The following HDAC9 variants were observed in gnomAD, a reference collection of about 807,000 sequenced individuals.
The protein encoded by HDAC9 is histone deacetylase 9.
In HDAC9, 41 loss-of-function variants were observed where a neutral mutation model predicts 139.4. The observed-to-expected ratio is 0.29, with a 90% CI of 0.23 to 0.38. The LOEUF (loss-of-function observed/expected upper bound fraction) is 0.38. Among genes scored for constraint, HDAC9 ranks in the 10% least tolerant of loss-of-function variants. The pLI, the probability that HDAC9 is intolerant of heterozygous loss-of-function variation, is 1.00. For missense variants in HDAC9, 1,147 were observed against 1,297.0 expected, an observed-to-expected ratio of 0.88 and a Z score of 1.78; for synonymous variants, 517 against 476.2, an observed-to-expected ratio of 1.09 and a Z score of -1.12.
chr7:18,099,266 C>A (rs2128068639), intron 1 of HDAC9, among the ~76,000 whole-genome samples: 1 of 152,130 alleles, frequency 6.6e-6, no homozygotes, highest in East Asian at 1.9e-4. Context: ...TCGACACCAA[C>A]CTGGCCAACA....
chr7:18,582,483 T>G (rs1005673029), intron 2 of HDAC9, among the ~76,000 whole-genome samples: 29 of 152,132 alleles, frequency 1.9e-4, no homozygotes, highest in Admixed American at 1.4e-3. Flanking sequence ...AGAGGCTTGA[T>G]AAATCTATTT....
chr7:18,740,485 T>C (rs1787350319), intron 13 of HDAC9, among the ~76,000 whole-genome samples: 1 of 152,182 alleles, frequency 6.6e-6, no homozygotes, highest in African/African-American at 2.4e-5. Flanking sequence ...GACAGTGAAC[T>C]TGGTAGATAA....
chr7:18,549,328 C>T (rs984491122), intron 2 of HDAC9, among the ~76,000 whole-genome samples: 4 of 152,158 alleles, frequency 2.6e-5, no homozygotes, highest in South Asian at 2.1e-4. Flanking sequence ...AACTTATGTT[C>T]GCACAGAATA....
intron 17 of HDAC9, among the ~76,000 whole-genome samples, chr7:18,824,103 G>GAAGAAGAAGAAGA (rs1795232559): frequency 1.7e-5 from 1 of 59,680 alleles, no homozygotes; most frequent in African/African-American, 5.7e-5. Context: ...GAACAAGAAG[G>GAAGAAGAAGAAGA]AGAAGAAGAA....
intron 19 of HDAC9, among the ~76,000 whole-genome samples, chr7:18,832,734 T>TAC (rs1028982687): frequency 2.7e-5 from 4 of 150,928 alleles, no homozygotes; most frequent in Admixed American, 6.6e-5. Context: ...AAATGATATA[T>TAC]ATATATTTTT....
chr7:18,188,875 A>G (rs765271520), intron 2 of HDAC9, among the ~76,000 whole-genome samples: 13 of 152,172 alleles, frequency 8.5e-5, no homozygotes, highest in Non-Finnish European at 1.8e-4. Context: ...AGAAATAGGA[A>G]TGCTTTTACA....
intron 2 of HDAC9, among the ~76,000 whole-genome samples, chr7:18,179,149 A>G (rs1448594699): frequency 6.6e-6 from 1 of 152,248 alleles, no homozygotes; most frequent in African/African-American, 2.4e-5. Flanking sequence ...ACAAGCAAGC[A>G]CTGCATGTCT....
chr7:18,624,044 A>G (rs1201078979), intron 6 of HDAC9, among the ~76,000 whole-genome samples: 1 of 152,192 alleles, frequency 6.6e-6, no homozygotes, highest in African/African-American at 2.4e-5. Flanking sequence ...ATGCATGTGT[A>G]TACAAAAATC....
chr7:18,229,444 G>A (rs1014367166), intron 2 of HDAC9, among the ~76,000 whole-genome samples: 5 of 152,182 alleles, frequency 3.3e-5, no homozygotes, highest in African/African-American at 4.8e-5. Context: ...CAACACCTTC[G>A]AACGTATTCC....
chr7:18,106,666 C>A (rs895340269), intron 1 of HDAC9, among the ~76,000 whole-genome samples: 1 of 152,164 alleles, frequency 6.6e-6, no homozygotes, highest in Non-Finnish European at 1.5e-5. Flanking sequence ...GTTAGCCAGG[C>A]TGGTCTTGAA....
intron 1 of HDAC9, among the ~76,000 whole-genome samples, chr7:18,089,923 TTTTG>T (rs71553917): frequency 0.24 from 36,729 of 151,864 alleles, 4,969 homozygotes; most frequent in Admixed American, 0.3. Flanking sequence ...ATTGGTTTTT[TTTTG>T]TTTGTTTTAA....
Position 18,588,095 on chromosome 7 carries a change from C to G in HDAC9, c.265-2241C>G, listed in dbSNP as rs951584568. Among the ~76,000 whole-genome samples the G allele has an allele frequency of 3.3e-5, 5 of 152,094 alleles. No individual in the cohort carries two copies. In the South Asian group the frequency reaches 8.3e-4, roughly 25 times the overall value. ...CCAAAGATTTTAATATGAAGAGTAACCAGAAATGCTTCTAACTATGTCCTT... is the reference window on the plus strand; with the variant it reads ...CCAAAGATTTTAATATGAAGAGTAAGCAGAAATGCTTCTAACTATGTCCTT... On this transcript the variant is annotated intron_variant, in intron 3 of 25. Coordinates refer to ENST00000686413, the MANE Select transcript of HDAC9 (RefSeq NM_178425.4).
intron 1 of HDAC9, among the ~76,000 whole-genome samples, chr7:18,398,974 A>G (rs1787298382): frequency 6.6e-6 from 1 of 152,120 alleles, no homozygotes; most frequent in Non-Finnish European, 1.5e-5. Flanking sequence ...ATAAATACCT[A>G]ACATATTTTA....
intron 21 of HDAC9, among the ~76,000 whole-genome samples, chr7:18,859,803 A>C (rs1797956582): frequency 9.1e-6 from 1 of 110,294 alleles, no homozygotes; most frequent in Non-Finnish European, 1.9e-5. Flanking sequence ...TATAAAGGCT[A>C]ACGCTCTCAT....
intron 2 of HDAC9, among the ~76,000 whole-genome samples, chr7:18,211,802 G>A (rs1372002680): frequency 2.0e-5 from 3 of 152,108 alleles, no homozygotes; most frequent in Admixed American, 6.6e-5. Flanking sequence ...ATAATGTGGA[G>A]GGAGTGAGAA....
At chr7:18,378,962 G>A (rs1262919443) in intron 1 of HDAC9, among the ~76,000 whole-genome samples, 1 of 152,086 alleles carries the variant, frequency 6.6e-6, no homozygotes, top group Non-Finnish European at 1.5e-5. Context: ...GTTTTACTTA[G>A]ATACCTGCCA....
At chr7:18,314,078 A>G (rs1355864030) in intron 1 of HDAC9, among the ~76,000 whole-genome samples, 6 of 152,150 alleles carry the variant, frequency 3.9e-5, no homozygotes, top group Admixed American at 3.9e-4. Context: ...CTATCCTCCT[A>G]TCCTCTTTCC....
intron 1 of HDAC9, chr7:18,127,123 A>G (rs1157585713): frequency 1.2e-5 from 2 of 167,418 alleles, no homozygotes; most frequent in Non-Finnish European, 2.9e-5. Context: ...ATATGAATCA[A>G]TATTAGTGTG....
At chr7:18,123,935 C>T (rs1264232817) in intron 1 of HDAC9, among the ~76,000 whole-genome samples, 1 of 152,082 alleles carries the variant, frequency 6.6e-6, no homozygotes, top group Non-Finnish European at 1.5e-5. Flanking sequence ...CTTGTCTGTA[C>T]ATAACAACCT....
Sources: allele counts gnomAD v4.1 joint callset (sites outside exome capture counted in the v4.1 genomes callset), GRCh38; gene constraint gnomAD v4.1.1; transcripts MANE v1.5; gene names NCBI Gene and HGNC (gene_info 2026-07-23, HGNC 2026-07-21).